Variants in ZMYND11 observed in about 807,000 individuals in gnomAD.
ZMYND11 encodes zinc finger MYND domain-containing protein 11.
In ZMYND11, 9 loss-of-function variants were observed where a neutral mutation model predicts 84.9. The ratio of observed to expected loss-of-function variants is 0.11; its 90% confidence interval spans 0.06 to 0.18. The LOEUF (loss-of-function observed/expected upper bound fraction) is 0.18. Among genes scored for constraint, ZMYND11 ranks in the 10% least tolerant of loss-of-function variants. The pLI, the probability that ZMYND11 is intolerant of heterozygous loss-of-function variation, is 1.00. For missense variants in ZMYND11, 409 were observed against 761.0 expected (o/e 0.54, Z 5.44); for synonymous variants, 250 against 244.1 (o/e 1.02, Z -0.23).
At chr10:193,055 A>G (rs1057218347) in intron 2 of ZMYND11, among the ~76,000 whole-genome samples, 2 of 152,136 alleles carry the variant, frequency 1.3e-5, no homozygotes, top group African/African-American at 2.4e-5. Flanking sequence ...ATTGTATTCA[A>G]TCTCTTCTGC....
intron 14 of ZMYND11, chr10:249,516 T>C: frequency 1.0e-6 from 1 of 984,994 alleles, no homozygotes; most frequent in Non-Finnish European, 1.2e-6. Context: ...ATACATTAGA[T>C]TTTGTTAAAG....
chr10:197,920 A>G (rs1473272232), intron 2 of ZMYND11: 2 of 609,928 alleles, frequency 3.3e-6, no homozygotes, highest in African/African-American at 3.8e-5. Flanking sequence ...GATGTGAAAC[A>G]ACTACATTAT....
rs1433775253 is a variant in ZMYND11, at chr10:248,324, C to G, written c.1228-12C>G. 1.2e-6 allele frequency: 2 copies of G among 1,610,364 alleles called. No individual in the cohort carries two copies. The highest frequency in any genetic ancestry group is 3.3e-5 in the Admixed American group (2 of 59,724). On this transcript the variant is annotated splice_polypyrimidine_tract_variant and intron_variant, in intron 12 of 14. Transcript: ENST00000381604. ...CTTCGTTTGGCGTCTAAACTCTTGT[C>G]TCACCTTTTAGGAACCAGAGCCTGA...
chr10:137,219 T>C (rs1247312303), intron 1 of ZMYND11, among the ~76,000 whole-genome samples: 2 of 152,026 alleles, frequency 1.3e-5, no homozygotes, highest in African/African-American at 2.4e-5. Flanking sequence ...ATTCAGGGTA[T>C]CTAGTACCCT....
At chr10:239,959 AG>A (rs1439816358) in intron 7 of ZMYND11, 96 bp from the exon 8 acceptor site, 2 of 989,604 alleles carry the variant, frequency 2.0e-6, no homozygotes, top group African/African-American at 3.3e-5. Flanking sequence ...TTGAAATGGT[AG>A]ATGTCTACTT....
intron 2 of ZMYND11, among the ~76,000 whole-genome samples, chr10:201,537 TCTTA>T (rs1703723670): frequency 6.6e-6 from 1 of 150,546 alleles, no homozygotes; most frequent in Admixed American, 6.8e-5. Flanking sequence ...TCATGAGATT[TCTTA>T]CTTTTGTAAA....
At chr10:230,472 C>CAAAAAA (rs59145964) in intron 4 of ZMYND11, among the ~76,000 whole-genome samples, 1 of 52,752 alleles carries the variant, frequency 1.9e-5, no homozygotes, top group African/African-American at 8.0e-5. Context: ...GACTCAGTCT[C>CAAAAAA]AAAAAAAAAA....
chr10:181,924 A>G (rs1226465312), intron 2 of ZMYND11, among the ~76,000 whole-genome samples: 2 of 152,224 alleles, frequency 1.3e-5, no homozygotes, highest in Non-Finnish European at 2.9e-5. Context: ...TCAGAGTACA[A>G]AACAGTATTT....
At chr10:220,240 G>C (rs970369093) in intron 3 of ZMYND11, among the ~76,000 whole-genome samples, 5 of 152,142 alleles carry the variant, frequency 3.3e-5, no homozygotes. Flanking sequence ...GTCCCTACTG[G>C]AAGTGGCCCT....
At chr10:171,397 C>T (rs932964789) in intron 1 of ZMYND11, among the ~76,000 whole-genome samples, 1 of 152,074 alleles carries the variant, frequency 6.6e-6, no homozygotes, top group Non-Finnish European at 1.5e-5. Context: ...AGAACATTCA[C>T]CAACATAGAC....
intron 10 of ZMYND11, among the ~76,000 whole-genome samples, chr10:243,451 T>TA (rs1951464927): frequency 6.6e-6 from 1 of 152,262 alleles, no homozygotes; most frequent in Non-Finnish European, 1.5e-5. Context: ...TTTATCTATA[T>TA]ATTTTTCTTT....
chr10:235,259 T>G lies in ZMYND11; in HGVS notation c.439-1579T>G, dbSNP rs74113859. On this transcript the variant is annotated intron_variant, in intron 4 of 14. Coordinates refer to ENST00000381604, the MANE Select transcript of ZMYND11 (RefSeq NM_001370100.5). The stretch of plus-strand genomic sequence containing the variant: ...TGTTTAAAGTTTTATCTCTCAACAG[T>G]GCCTGTGGCCAAATACTGTGCTAAT... Among the ~76,000 whole-genome samples the G allele has an allele frequency of 3.9e-3, 588 of 152,328 alleles. 2 individuals are homozygous for G. Among genetic ancestry groups the G allele is most frequent in the African/African-American group, 0.013 (559 of 41,566 alleles).
intron 9 of ZMYND11, 118 bp from the exon 10 acceptor site, chr10:241,903 A>G: frequency 7.9e-7 from 1 of 1,259,416 alleles, no homozygotes; most frequent in South Asian, 1.5e-5. Flanking sequence ...TGTGTTTAGG[A>G]GTTATGAAAG....
chr10:167,759 C>A (rs1262790848), intron 1 of ZMYND11, among the ~76,000 whole-genome samples: 2 of 151,836 alleles, frequency 1.3e-5, no homozygotes, highest in African/African-American at 2.4e-5. Context: ...TGGTAGTTAA[C>A]CATTTATTAT....
chr10:159,485 A>G (rs1842511673), intron 1 of ZMYND11, among the ~76,000 whole-genome samples: 1 of 152,206 alleles, frequency 6.6e-6, no homozygotes, highest in African/African-American at 2.4e-5. Context: ...CTCTGCTCTA[A>G]TGATGAGATA....
At chr10:213,189 G>C (rs553114238) in intron 3 of ZMYND11, among the ~76,000 whole-genome samples, 23 of 152,232 alleles carry the variant, frequency 1.5e-4, no homozygotes, top group Middle Eastern at 3.4e-3. Context: ...CACAGACATT[G>C]TATATTTGCC....
intron 4 of ZMYND11, among the ~76,000 whole-genome samples, chr10:235,512 C>A (rs752037467): frequency 1.3e-4 from 20 of 152,064 alleles, no homozygotes; most frequent in Non-Finnish European, 1.9e-4. Context: ...GGCCATGCGT[C>A]AGTCACCTGA....
chr10:242,182 G>A (rs778534470), intron 10 of ZMYND11, 43 bp downstream of exon 10: 4 of 1,604,044 alleles, frequency 2.5e-6, no homozygotes, highest in Admixed American at 1.7e-5. Context: ...CTGTGCTTAT[G>A]AAGTCCTTAA....
chr10:150,348 T>C (rs1303923010), intron 1 of ZMYND11, among the ~76,000 whole-genome samples: 3 of 152,228 alleles, frequency 2.0e-5, no homozygotes, highest in Admixed American at 2.0e-4. Flanking sequence ...TGGGCGGGTG[T>C]ATGTGTCCAG....
Sources: gnomAD v4.1 joint callset for allele counts (sites outside exome capture counted in the v4.1 genomes callset) on GRCh38, gnomAD v4.1.1 for gene constraint, MANE v1.5 for transcripts, NCBI Gene and HGNC (gene_info 2026-07-23, HGNC 2026-07-21) for gene names.